BEND3: variants seen among roughly 807,000 people sequenced by gnomAD.
BEND3 encodes BEN domain containing 3, also known as BEN domain-containing protein 3.
BEND3 carries 13 observed loss-of-function variants against 60.1 expected under a neutral mutation model. The ratio of observed to expected loss-of-function variants is 0.22; its 90% CI spans 0.14 to 0.34. The LOEUF (loss-of-function observed/expected upper bound fraction) is 0.34, where lower values mean the gene tolerates loss of function less well. Among genes scored for constraint, BEND3 ranks in the 10% least tolerant of loss-of-function variants. The pLI, the probability that BEND3 is intolerant of heterozygous loss-of-function variation, is 1.00. For missense variants in BEND3, 896 were observed against 1,138.1 expected (o/e 0.79, Z 3.06); for synonymous variants, 497 against 491.5 (o/e 1.01, Z -0.15).
rs1289803086 is a variant in BEND3, at chr6:107,115,318, A to G, written c.-240T>C. 1 of 148,616 alleles carries G rather than the reference A, an allele frequency of 6.7e-6. No individual in the cohort carries two copies. The highest frequency in any genetic ancestry group is 2.4e-5 in the African/African-American group (1 of 40,876). The allele number at this position is 148,616 out of a possible 1,614,324, so 9.2% of individuals were successfully genotyped here. Reference sequence around the variant, plus strand: ...GTGACGTGACGGGACTCCGTGTGTCATTTCCGCACAAGGACACAGGAGCCC... The same window carrying G: ...GTGACGTGACGGGACTCCGTGTGTCGTTTCCGCACAAGGACACAGGAGCCC... On this transcript the variant is annotated 5_prime_UTR_variant, in exon 1 of 4. An upstream start codon of the reference 5' UTR is lost. Transcript: ENST00000369042.
In BEND3 at chr6:107,092,680, TA is replaced by T. The variant is rs559684797; in HGVS notation, c.240+5870del. Among the ~76,000 whole-genome samples, 1,080 of 151,872 alleles carry T rather than the reference TA, an allele frequency of 7.1e-3. 15 individuals are homozygous for T. Among genetic ancestry groups the T allele is most frequent in the African/African-American group, 0.025 (1,032 of 41,390 alleles). On this transcript the variant is annotated intron_variant, in intron 3 of 3. Coordinates refer to ENST00000369042, the MANE Select transcript of BEND3 (RefSeq NM_001367314.1). The stretch of plus-strand genomic sequence containing the variant: ...AGGTATACTATCGCGAAGGAAAAAA[TA>T]AAACTGTCTTTCTTTGCACATGACA...
intron 1 of BEND3, among the ~76,000 whole-genome samples, chr6:107,111,097 A>T (rs1394608313): frequency 6.6e-6 from 1 of 152,096 alleles, no homozygotes; most frequent in African/African-American, 2.4e-5. Context: ...CCCGGGAGTC[A>T]GTGGTTGCAA....
At position 107,066,254 on chromosome 6, in the gene BEND3, T is replaced by C. The variant is rs1484208177; in HGVS notation, c.*2450A>G. ...ATTGCTTCATGTAAAAAATTTAAAA[T>C]AAAAAAATGCCCACTGGAGCCACCT... On this transcript the variant is annotated 3_prime_UTR_variant, in exon 4 of 4. Transcript: ENST00000369042. 1 of 152,012 alleles carries C rather than the reference T, an allele frequency of 6.6e-6. No homozygotes were observed. The highest frequency in any genetic ancestry group is 2.4e-5 in the African/African-American group (1 of 41,382). 9.4% of individuals were successfully genotyped at this position (152,012 alleles called of 1,614,324 possible).
Position 107,099,241 on chromosome 6 carries a change from T to G in BEND3, c.37+8A>C. The G allele has an allele frequency of 1.2e-6, 2 of 1,608,510 alleles. No individual in the cohort carries two copies. Among genetic ancestry groups the G allele is most frequent in the South Asian group, 2.2e-5 (2 of 90,790 alleles). On this transcript the variant is annotated splice_region_variant and intron_variant, in intron 2 of 3. Transcript: ENST00000369042. ...AAACATTTTTCAAAAAGGGCATTTT[T>G]TTTTTACCTTCTTCTACATCTTCGG... is the stretch of plus-strand genomic sequence containing the variant.
chr6:107,103,819 G>T (rs1456606598), intron 1 of BEND3, among the ~76,000 whole-genome samples: 1 of 151,898 alleles, frequency 6.6e-6, no homozygotes. Flanking sequence ...ATGGTGGCGC[G>T]TGCCTGTAAT....
Position 107,070,640 on chromosome 6 carries a change from G to C in BEND3, c.551C>G (p.Ala184Gly). 1.2e-6 allele frequency: 2 copies of C among 1,612,292 alleles called. No homozygotes were observed. The highest frequency in any genetic ancestry group is 1.7e-6 in the Non-Finnish European group (2 of 1,179,874). The part of the protein sequence containing the change: ...PQKRDCGSTG[A>G]GTDNDPNIYF... Reference sequence around the variant, plus strand: ...GATGTTGGGGTCGTTGTCAGTGCCTGCCCCGGTGCTGCCACAGTCCCGCTT... The same window carrying C: ...GATGTTGGGGTCGTTGTCAGTGCCTCCCCCGGTGCTGCCACAGTCCCGCTT... The change falls in exon 4 of 4, where the codon GCA (alanine) becomes GGA (glycine). Residue 184 changes from alanine (A) to glycine (G), a missense_variant. Ala to Gly is a moderately conservative substitution (Grantham distance 60). Coordinates refer to ENST00000369042, the MANE Select transcript of BEND3 (RefSeq NM_001367314.1). The surrounding 1 kb of genome is among the most constrained non-coding windows in gnomAD (Gnocchi z 6.9).
intron 1 of BEND3, among the ~76,000 whole-genome samples, chr6:107,101,559 C>T (rs534414525): frequency 6.6e-6 from 1 of 152,290 alleles, no homozygotes; most frequent in South Asian, 2.1e-4. Context: ...AATTCCTACT[C>T]ACCAAGCCAT....
In BEND3 at chr6:107,070,345, C is replaced by T. The variant is rs1554231784; in HGVS notation, c.846G>A (p.Val282=). ...VQLFPELFSD[V]DFSRGCSACG... is the part of the protein sequence containing the mutation. ...AGGCACTGCAGCCCCGGGAGAAGTC[C>T]ACGTCGCTGAAGAGCTCGGGGAAGA... The change falls in exon 4 of 4, where the codon GTG becomes GTA. Residue 282 remains valine, a synonymous_variant. Coordinates refer to ENST00000369042, the MANE Select transcript of BEND3 (RefSeq NM_001367314.1). This position sits in a 1 kb window ranked among gnomAD's most constrained non-coding sequence, Gnocchi z 6.9. The T allele has an allele frequency of 6.2e-7, 1 of 1,612,748 alleles. No homozygotes were observed. Among genetic ancestry groups the T allele is most frequent in the East Asian group, 2.2e-5 (1 of 44,784 alleles).
chr6:107,069,557 T>C lies in BEND3; in HGVS notation c.1634A>G (p.Asp545Gly), dbSNP rs782714839. 2 of 1,613,198 alleles carry C rather than the reference T, an allele frequency of 1.2e-6. No homozygotes were observed. The highest frequency in any genetic ancestry group is 4.5e-5 in the East Asian group (2 of 44,878). ...GCAGTCGGCACCGGGCACCTCGAAG[T>C]CAGGCTGGGGGATCTCTAACTTGTC... ...DFDKLEIPQP[D>G]FEVPGADCLL... is the part of the protein sequence containing the mutation. Residue 545 changes from aspartate (D) to glycine (G), a missense_variant, in exon 4 of 4, where the codon GAC (aspartate) becomes GGC (glycine). Transcript: ENST00000369042.
intron 3 of BEND3, among the ~76,000 whole-genome samples, chr6:107,078,145 G>GT (rs1382638629): frequency 6.6e-6 from 1 of 152,166 alleles, no homozygotes; most frequent in Non-Finnish European, 1.5e-5. Flanking sequence ...TTTGAGGGAG[G>GT]TTTTTTCTTC....
intron 1 of BEND3, among the ~76,000 whole-genome samples, chr6:107,110,840 C>T (rs146932476): frequency 6.6e-6 from 1 of 151,390 alleles, no homozygotes; most frequent in Admixed American, 6.6e-5. Flanking sequence ...CAGGTGTGAG[C>T]CACTGCACCC....
chr6:107,098,655 T>A lies in BEND3; in HGVS notation c.136A>T (p.Ser46Cys). Residue 46 changes from serine (S) to cysteine (C), a missense_variant, in exon 3 of 4, where the codon AGC (serine) becomes TGC (cysteine). Physicochemically the swap from Ser to Cys is moderately radical, Grantham distance 112. Around this residue, in one of 4 missense-constraint regions of BEND3, gnomAD observed 846 missense variants for 1,036.7 expected, o/e 0.82. Transcript: ENST00000369042. ...SRTSEKHSVD[S>C]VLTALQDSSK... ...GAGTCCTGCAGGGCAGTGAGGACGC[T>A]GTCCACAGAGTGCTTCTCAGAAGTC... 6.2e-7 allele frequency: 1 copy of A among 1,614,092 alleles called. No homozygotes were observed.
In BEND3 at chr6:107,070,500, C is replaced by T; in HGVS notation, c.691G>A (p.Val231Met). ...TTGGCCACCATCTCAGTGGGGCTCA[C>T]CTGCTTCTTGATGCGGCTCACCTCA... ...SLEVSRIKKQ[V>M]SPTEMVAKFQ... The change falls in exon 4 of 4, where the codon GTG becomes ATG. Residue 231 changes from valine to methionine, a missense_variant. Around this residue, in one of 4 missense-constraint regions of BEND3, gnomAD observed 846 missense variants for 1,036.7 expected, o/e 0.82. Coordinates refer to ENST00000369042, the MANE Select transcript of BEND3 (RefSeq NM_001367314.1). This position sits in a 1 kb window ranked among gnomAD's most constrained non-coding sequence, Gnocchi z 6.9. 1.2e-6 allele frequency: 2 copies of T among 1,614,070 alleles called. No individual in the cohort carries two copies. Among genetic ancestry groups the T allele is most frequent in the East Asian group, 2.2e-5 (1 of 44,884 alleles).
intron 3 of BEND3, among the ~76,000 whole-genome samples, chr6:107,079,343 C>T (rs1775174951): frequency 6.6e-6 from 1 of 152,116 alleles, no homozygotes; most frequent in South Asian, 2.1e-4. Context: ...AGGTGTGATC[C>T]GATTCTTCTG....
At chr6:107,081,572 C>G (rs1182291333) in intron 3 of BEND3, among the ~76,000 whole-genome samples, 1 of 152,182 alleles carries the variant, frequency 6.6e-6, no homozygotes, top group Non-Finnish European at 1.5e-5. Context: ...TGGGTCAGAA[C>G]TGCCTTCTGT....
chr6:107,090,253 G>A (rs1775447405), intron 3 of BEND3, among the ~76,000 whole-genome samples: 1 of 152,130 alleles, frequency 6.6e-6, no homozygotes, highest in African/African-American at 2.4e-5. Flanking sequence ...GGAGGCTGAG[G>A]CACGAGAATC....
chr6:107,077,990 T>G (rs1554232960), intron 3 of BEND3, among the ~76,000 whole-genome samples: 1 of 152,160 alleles, frequency 6.6e-6, no homozygotes, highest in Non-Finnish European at 1.5e-5. Flanking sequence ...ATACGGCTCT[T>G]GAACACTGCC....
At chr6:107,098,513 A>G in intron 3 of BEND3, 38 bp downstream of exon 3, 1 of 1,596,694 alleles carries the variant, frequency 6.3e-7, no homozygotes, top group East Asian at 2.2e-5. Flanking sequence ...AGAGAGGGTT[A>G]GAGCCCAAGC....
rs782045039 is a variant in BEND3, at chr6:107,098,772, A to C, written c.38-19T>G. ...TTTAGAACTGTGTCAGAGAAGAAAT[A>C]GGGCTCAGTGGGAAAAACCAGGGCT... On this transcript the variant is annotated intron_variant, in intron 2 of 3. Coordinates refer to ENST00000369042, the MANE Select transcript of BEND3 (RefSeq NM_001367314.1). The C allele has an allele frequency of 4.3e-6, 7 of 1,609,300 alleles. No homozygotes were observed. In the South Asian group the frequency reaches 7.7e-5, roughly 18 times the overall value.
Sources: allele counts gnomAD v4.1 joint callset (sites outside exome capture counted in the v4.1 genomes callset), GRCh38; gene constraint gnomAD v4.1.1; regional missense constraint gnomAD v4.1.1; non-coding constraint Gnocchi (gnomAD v3.1); transcripts MANE v1.5; gene names NCBI Gene and HGNC (gene_info 2026-07-23, HGNC 2026-07-21).